Variants in WDFY2 observed in about 807,000 individuals in gnomAD.
The protein encoded by WDFY2 is WD repeat and FYVE domain containing 2.
A neutral mutation model predicts 56.4 loss-of-function variants in WDFY2; 36 were observed. The observed-to-expected ratio is 0.64, with a 90% CI of 0.49 to 0.84. The LOEUF is 0.84. WDFY2 is among the 40% of genes least tolerant of loss of function. The pLI is 0.00. For synonymous variants in WDFY2, 176 were observed against 183.7 expected (o/e 0.96, Z 0.34); for missense variants, 444 against 512.2 (o/e 0.87, Z 1.29).
chr13:51,665,747 C>G (rs551836227), intron 2 of WDFY2, among the ~76,000 whole-genome samples: 1 of 152,268 alleles, frequency 6.6e-6, no homozygotes, highest in South Asian at 2.1e-4. Context: ...CTTGAGAGGG[C>G]TGGAACCTCA....
chr13:51,610,040 G>T (rs763702295), intron 1 of WDFY2, among the ~76,000 whole-genome samples: 2 of 152,086 alleles, frequency 1.3e-5, no homozygotes, highest in Non-Finnish European at 2.9e-5. Context: ...AGAGGGTAGC[G>T]CTGAAAAAGG....
At chr13:51,586,832 T>C (rs1953948131) in intron 1 of WDFY2, 1 of 152,208 alleles carries the variant, frequency 6.6e-6, no homozygotes, top group Admixed American at 6.5e-5. Flanking sequence ...TCTGGAATTA[T>C]TATTAATATA....
At chr13:51,694,569 T>C (rs1175708357) in intron 3 of WDFY2, among the ~76,000 whole-genome samples, 3 of 152,218 alleles carry the variant, frequency 2.0e-5, no homozygotes, top group Non-Finnish European at 4.4e-5. Context: ...TCTGATGGGC[T>C]TCCCTTTGTG....
rs963752208 is a variant in WDFY2 at position 51,762,497 on chromosome 13, T to C, written c.*2728T>C. The C allele has an allele frequency of 2.6e-5, 4 of 152,254 alleles. No individual in the cohort carries two copies. The highest frequency in any genetic ancestry group is 9.6e-5 in the African/African-American group (4 of 41,464). The allele number at this position is 152,254 out of a possible 1,614,324, so 9.4% of individuals were successfully genotyped here. ...GTGTGGGTGCTTGAATTTGGTGAAA[T>C]GCGTTTAGCAAACCAACTGTGTGTT... On this transcript the variant is annotated 3_prime_UTR_variant, in exon 12 of 12. Transcript: ENST00000298125.
chr13:51,632,680 A>G (rs1403558618), intron 1 of WDFY2, among the ~76,000 whole-genome samples: 2 of 152,230 alleles, frequency 1.3e-5, no homozygotes, highest in Non-Finnish European at 2.9e-5. Context: ...AATGATACAG[A>G]TAAAAAAGTT....
At chr13:51,588,908 GAGA>G (rs1025679033) in intron 1 of WDFY2, 4 of 152,214 alleles carry the variant, frequency 2.6e-5, no homozygotes, top group African/African-American at 9.7e-5. Context: ...GTAAGGTGTA[GAGA>G]AGGAGGCTGT....
At chr13:51,640,591 A>G (rs1357049790) in intron 1 of WDFY2, among the ~76,000 whole-genome samples, 1 of 152,160 alleles carries the variant, frequency 6.6e-6, no homozygotes, top group Non-Finnish European at 1.5e-5. Flanking sequence ...GCTCATGCCT[A>G]TAATCTCAGC....
intron 1 of WDFY2, among the ~76,000 whole-genome samples, chr13:51,628,795 C>G: frequency 6.6e-6 from 1 of 152,198 alleles, no homozygotes; most frequent in South Asian, 2.1e-4. Context: ...ATTGCAGTGT[C>G]TAAAAAGGGC....
rs1311151123 is a variant in WDFY2, at chr13:51,654,497, CG to C, written c.138-6097del. 6.6e-5 allele frequency among the ~76,000 whole-genome samples: 10 copies of C among 152,288 alleles called. No individual in the cohort carries two copies. In the East Asian group the frequency reaches 1.9e-3, roughly 29 times the overall value. On this transcript the variant is annotated intron_variant, in intron 1 of 11. Coordinates refer to ENST00000298125, the MANE Select transcript of WDFY2 (RefSeq NM_052950.4). The stretch of plus-strand genomic sequence containing the variant: ...AATCATTCGCCTTCTGCGTCGCTCA[CG>C]GTAGGAGCTGTAGACTGGAGCTGTT...
chr13:51,705,110 C>CCACG (rs1952056228), intron 4 of WDFY2, among the ~76,000 whole-genome samples: 1 of 152,146 alleles, frequency 6.6e-6, no homozygotes, highest in South Asian at 2.1e-4. Context: ...GTGGAGAAGC[C>CCACG]CACGTGCTGA....
chr13:51,616,684 A>G lies in WDFY2; in HGVS notation c.137+31860A>G, dbSNP rs369017308. On this transcript the variant is annotated intron_variant, in intron 1 of 11. Transcript: ENST00000298125. ...CCCAGAAGTGACACACGTTTCTTCC[A>G]CTTATTCTTCATCAAAGTTAGTCGC... Among the ~76,000 whole-genome samples, 14 of 152,302 alleles carry G rather than the reference A, an allele frequency of 9.2e-5. No individual in the cohort carries two copies. The South Asian group carries it at 2.9e-3, about 32-fold the overall frequency.
intron 3 of WDFY2, among the ~76,000 whole-genome samples, chr13:51,691,120 C>T (rs1054209988): frequency 6.6e-5 from 10 of 151,942 alleles, no homozygotes; most frequent in South Asian, 2.1e-4. Context: ...GAGTAGGTTG[C>T]GAAAATTTTC....
intron 4 of WDFY2, among the ~76,000 whole-genome samples, chr13:51,711,888 C>T (rs1417207424): frequency 1.3e-5 from 2 of 152,176 alleles, no homozygotes; most frequent in African/African-American, 2.4e-5. Context: ...GTGGCGATTC[C>T]TCAAGGATCT....
chr13:51,625,873 A>G (rs1031482006), intron 1 of WDFY2, among the ~76,000 whole-genome samples: 3 of 152,254 alleles, frequency 2.0e-5, no homozygotes, highest in South Asian at 2.1e-4. Flanking sequence ...AGCATTTCAT[A>G]TACTTAACAC....
At chr13:51,714,262 AC>A (rs1952293850) in intron 4 of WDFY2, among the ~76,000 whole-genome samples, 3 of 151,370 alleles carry the variant, frequency 2.0e-5, no homozygotes, top group Middle Eastern at 3.5e-3. Context: ...AGAAATTGGA[AC>A]CCTCTTTTTG....
chr13:51,602,568 A>C (rs1954307831), intron 1 of WDFY2, among the ~76,000 whole-genome samples: 1 of 152,234 alleles, frequency 6.6e-6, no homozygotes, highest in African/African-American at 2.4e-5. Context: ...TATCCCTAAT[A>C]TGTGGCTTTC....
chr13:51,681,124 G>A (rs1955970023), intron 3 of WDFY2, among the ~76,000 whole-genome samples: 1 of 152,144 alleles, frequency 6.6e-6, no homozygotes, highest in South Asian at 2.1e-4. Flanking sequence ...GACGACAAAT[G>A]GCCTCTGAAT....
At chr13:51,592,794 A>C (rs1215352399) in intron 1 of WDFY2, among the ~76,000 whole-genome samples, 2 of 152,102 alleles carry the variant, frequency 1.3e-5, no homozygotes, top group Non-Finnish European at 2.9e-5. Context: ...TAATCATCAT[A>C]ATAATCGCTC....
intron 1 of WDFY2, among the ~76,000 whole-genome samples, chr13:51,625,226 A>G (rs1201333525): frequency 1.3e-5 from 2 of 152,218 alleles, no homozygotes; most frequent in Non-Finnish European, 2.9e-5. Context: ...ATATACTTTA[A>G]TAGTTATTTC....
Sources: allele counts gnomAD v4.1 joint callset (sites outside exome capture counted in the v4.1 genomes callset), GRCh38; gene constraint gnomAD v4.1.1; transcripts MANE v1.5; gene names NCBI Gene and HGNC (gene_info 2026-07-23, HGNC 2026-07-21).